KALRN: variants seen among roughly 807,000 people sequenced by gnomAD.
The protein encoded by KALRN is kalirin RhoGEF kinase, also known as kalirin.
KALRN carries 70 observed loss-of-function variants against 353.7 expected under a neutral mutation model. The observed-to-expected ratio is 0.20, with a 90% CI of 0.16 to 0.24. The LOEUF (loss-of-function observed/expected upper bound fraction) is 0.24, where lower values mean the gene tolerates loss of function less well. KALRN is among the 10% of genes least tolerant of loss of function. The pLI, the probability that KALRN is intolerant of heterozygous loss-of-function variation, is 1.00. For synonymous variants in KALRN, 1,391 were observed against 1,434.8 expected (o/e 0.97, Z 0.69); for missense variants, 2,791 against 3,756.7 (o/e 0.74, Z 6.72).
intron 1 of KALRN, among the ~76,000 whole-genome samples, chr3:124,220,828 C>T (rs1187160874): frequency 6.6e-6 from 1 of 152,202 alleles, no homozygotes; most frequent in African/African-American, 2.4e-5. Context: ...GTGCCCCTAC[C>T]CCCTATTCTA....
rs2080876504 is a variant in KALRN at position 124,632,343 on chromosome 3, A to T, written c.5183-77A>T. 4 of 1,402,512 alleles carry T rather than the reference A, an allele frequency of 2.9e-6. No homozygotes were observed. In the Admixed American group the frequency reaches 7.1e-5, roughly 25 times the overall value. The allele number at this position is 1,402,512 out of a possible 1,614,324, so 86.9% of individuals were successfully genotyped here. A position where few individuals can be genotyped will look rare whatever the true frequency, so the allele number is the denominator to read the frequency against. On this transcript the variant is annotated intron_variant, in intron 34 of 59. Coordinates refer to ENST00000682506, the MANE Select transcript of KALRN (RefSeq NM_001388419.1). ...TGCCTTGTGTCCTAGCTTCCTGAGG[A>T]TGGAGCTGTCTCAGTCCCAGGTTTG...
At chr3:124,667,217 G>T in intron 47 of KALRN, 34 bp downstream of exon 47, 1 of 1,589,004 alleles carries the variant, frequency 6.3e-7, no homozygotes, top group Non-Finnish European at 8.6e-7. Context: ...GCAGGGCTGT[G>T]TCAGGGGACT....
intron 45 of KALRN, among the ~76,000 whole-genome samples, chr3:124,663,446 A>G (rs1039841494): frequency 6.6e-6 from 1 of 152,272 alleles, no homozygotes; most frequent in Non-Finnish European, 1.5e-5. Flanking sequence ...AATTCAGCCC[A>G]TAACAGTGAA....
intron 3 of KALRN, among the ~76,000 whole-genome samples, chr3:124,257,105 C>T (rs2072123232): frequency 6.6e-6 from 1 of 152,210 alleles, no homozygotes; most frequent in African/African-American, 2.4e-5. Context: ...TTTCAACAGG[C>T]TTCTGTATGG....
intron 5 of KALRN, among the ~76,000 whole-genome samples, chr3:124,285,603 C>A (rs1260973522): frequency 6.6e-6 from 1 of 152,058 alleles, no homozygotes; most frequent in Non-Finnish European, 1.5e-5. Context: ...TGGCATGATC[C>A]CAGCTCACTG....
chr3:124,616,881 C>T (rs1041434242), intron 34 of KALRN, among the ~76,000 whole-genome samples: 7 of 151,158 alleles, frequency 4.6e-5, no homozygotes, highest in East Asian at 1.9e-4. Context: ...AGGAGAATGG[C>T]GTGAACCCAG....
intron 25 of KALRN, among the ~76,000 whole-genome samples, chr3:124,467,564 A>G (rs529218508): frequency 6.6e-6 from 1 of 152,326 alleles, no homozygotes; most frequent in Admixed American, 6.5e-5. Context: ...GATGGAATAA[A>G]GTTTGAACAA....
chr3:124,164,890 G>C (rs1560122062), intron 1 of KALRN, among the ~76,000 whole-genome samples: 1 of 152,194 alleles, frequency 6.6e-6, no homozygotes, highest in African/African-American at 2.4e-5. Flanking sequence ...TTGGAGTCCA[G>C]CTCTACCTTC....
chr3:124,183,785 A>G (rs1442048045), intron 1 of KALRN, among the ~76,000 whole-genome samples: 12 of 152,234 alleles, frequency 7.9e-5, no homozygotes, highest in Admixed American at 7.9e-4. Context: ...TGGCAGTCCT[A>G]GCAAACTAGT....
chr3:124,203,953 G>T (rs1294744498), intron 1 of KALRN, among the ~76,000 whole-genome samples: 1 of 152,210 alleles, frequency 6.6e-6, no homozygotes, highest in Non-Finnish European at 1.5e-5. Flanking sequence ...TATATGGAGG[G>T]CTGTCTTTTC....
chr3:124,678,212 C>G lies in KALRN; in HGVS notation c.7216C>G (p.Leu2406Val), dbSNP rs1319671756. Residue 2406 changes from leucine (L) to valine (V), a missense_variant, in exon 50 of 60, where the codon CTA (leucine) becomes GTA (valine). Transcript: ENST00000682506. ...SIKKSCSWHTLRMRKRAEVEN... is the reference protein window; with the variant it reads ...SIKKSCSWHTVRMRKRAEVEN... ...CAGGAAGTCATGTTCATGGCATACTCTACGCATGAGAAAGCGGGCGGAAGT... is the reference window on the plus strand; with the variant it reads ...CAGGAAGTCATGTTCATGGCATACTGTACGCATGAGAAAGCGGGCGGAAGT... The G allele has an allele frequency of 6.2e-7, 1 of 1,613,954 alleles. No homozygotes were observed.
intron 13 of KALRN, among the ~76,000 whole-genome samples, chr3:124,405,735 C>T (rs2091460527): frequency 6.7e-6 from 1 of 149,010 alleles, no homozygotes; most frequent in Non-Finnish European, 1.5e-5. Flanking sequence ...GCTCCACCTC[C>T]TGGGTTCACG....
chr3:124,204,421 G>A (rs1286792168), intron 1 of KALRN, among the ~76,000 whole-genome samples: 1 of 152,166 alleles, frequency 6.6e-6, no homozygotes, highest in Non-Finnish European at 1.5e-5. Context: ...TTTTTCACAT[G>A]GGGATTATTC....
At chr3:124,400,810 T>C (rs1249928146) in intron 13 of KALRN, among the ~76,000 whole-genome samples, 1 of 152,186 alleles carries the variant, frequency 6.6e-6, no homozygotes, top group Non-Finnish European at 1.5e-5. Context: ...AATATATCCA[T>C]GGAGAAATTA....
chr3:124,247,222 C>CATAG (rs1177668159), intron 3 of KALRN, among the ~76,000 whole-genome samples: 2 of 152,170 alleles, frequency 1.3e-5, no homozygotes, highest in Non-Finnish European at 2.9e-5. Flanking sequence ...CCCAAGAAGA[C>CATAG]ATAGATGGGT....
At chr3:124,585,211 C>A (rs1268731385) in intron 34 of KALRN, among the ~76,000 whole-genome samples, 3 of 152,166 alleles carry the variant, frequency 2.0e-5, no homozygotes, top group Non-Finnish European at 4.4e-5. Flanking sequence ...GAGTGGGATG[C>A]GGACGCGGGG....
At chr3:124,603,205 C>G (rs2076988482) in intron 34 of KALRN, among the ~76,000 whole-genome samples, 1 of 152,166 alleles carries the variant, frequency 6.6e-6, no homozygotes, top group Non-Finnish European at 1.5e-5. Flanking sequence ...CTACCTTTGC[C>G]AGCATCTGAC....
intron 1 of KALRN, among the ~76,000 whole-genome samples, chr3:124,130,072 T>C (rs180949107): frequency 9.8e-5 from 15 of 152,320 alleles, no homozygotes; most frequent in Admixed American, 7.8e-4. Flanking sequence ...GGGACAACTT[T>C]TACCATTCAG....
At chr3:124,070,416 G>T (rs565586466) in intron 1 of KALRN, among the ~76,000 whole-genome samples, 1 of 152,196 alleles carries the variant, frequency 6.6e-6, no homozygotes, top group African/African-American at 2.4e-5. Context: ...CCAAGACTTT[G>T]TTCCTGCTGG....
Sources: gnomAD v4.1 joint callset for allele counts (sites outside exome capture counted in the v4.1 genomes callset) on GRCh38, gnomAD v4.1.1 for gene constraint, MANE v1.5 for transcripts, NCBI Gene and HGNC (gene_info 2026-07-23, HGNC 2026-07-21) for gene names.